The following SHOC1 variants were observed in gnomAD, a reference collection of about 807,000 sequenced individuals.
SHOC1 encodes the protein protein shortage in chiasmata 1 ortholog.
Under a neutral mutation model 179.2 loss-of-function variants are expected in SHOC1, and 136 were observed. The observed-to-expected ratio is 0.76, with a 90% confidence interval of 0.66 to 0.87. The LOEUF (loss-of-function observed/expected upper bound fraction) is 0.87. Ranked by LOEUF, SHOC1 falls within the 40% of genes least tolerant of loss-of-function variation. The pLI is 0.00. For missense variants in SHOC1, 1,538 were observed against 1,700.8 expected (o/e 0.90, Z 1.68); for synonymous variants, 489 against 586.6 (o/e 0.83, Z 2.41).
chr9:111,727,566 A>G, intron 13 of SHOC1, 67 bp downstream of exon 13: 1 of 1,340,558 alleles, frequency 7.5e-7, no homozygotes, highest in South Asian at 1.8e-5. Flanking sequence ...CTTGCCTTCT[A>G]TAATAAATTA....
intron 20 of SHOC1, among the ~76,000 whole-genome samples, chr9:111,705,737 T>C (rs1252812672): frequency 6.6e-6 from 1 of 152,090 alleles, no homozygotes; most frequent in East Asian, 1.9e-4. Flanking sequence ...AAGTATATAT[T>C]GGGCATGTGC....
Position 111,694,343 on chromosome 9 carries a change from A to G in SHOC1, c.3203T>C (p.Val1068Ala). 6.2e-7 allele frequency: 1 copy of G among 1,608,084 alleles called. No individual in the cohort carries two copies. The highest frequency in any genetic ancestry group is 8.5e-7 in the Non-Finnish European group (1 of 1,176,066). ...LDVKLIIAPG[V>A]EATALIIRQI... ...TCGAATTATCAAGGCAGTTGCTTCT[A>G]CTCCTGGGGCAATTATAAGCTAAAA... is the stretch of plus-strand genomic sequence containing the variant. Residue 1068 changes from valine to alanine, a missense_variant, in exon 25 of 28, where the codon GTA (valine) becomes GCA (alanine). Physicochemically the swap from Val to Ala is moderately conservative, Grantham distance 64. Coordinates refer to ENST00000682961, the MANE Select transcript of SHOC1 (RefSeq NM_001378211.1).
Position 111,692,048 on chromosome 9 carries a change from G to A in SHOC1, c.3929C>T (p.Pro1310Leu). The change falls in exon 27 of 28, where the codon CCA (proline) becomes CTA (leucine). Residue 1310 changes from proline to leucine, a missense_variant. Pro to Leu is a moderately conservative substitution (Grantham distance 98, BLOSUM62 -3). Transcript: ENST00000682961. ...TQMNCETIKS[P>L]TDTQKRVSVV... is the part of the protein sequence containing the mutation. ...TGACACTCTCTTCTGAGTGTCAGTT[G>A]GTGATTTTATAGTTTCACAGTTCAT... 6.2e-7 allele frequency: 1 copy of A among 1,613,702 alleles called. No individual in the cohort carries two copies. Among genetic ancestry groups the A allele is most frequent in the Non-Finnish European group, 8.5e-7 (1 of 1,179,804 alleles).
At position 111,703,031 on chromosome 9, in the gene SHOC1, G is replaced by A. The variant is rs577898597; in HGVS notation, c.2968-805C>T. Among the ~76,000 whole-genome samples the A allele has an allele frequency of 3.0e-4, 46 of 152,204 alleles. 1 individual carries two copies. Among genetic ancestry groups the A allele is most frequent in the African/African-American group, 1.1e-3 (45 of 41,526 alleles). ...AGGCTGAGATAGGAGGATCACTCGA[G>A]CCCAGGAGTTCGAGGCTGCAGTGAG... On this transcript the variant is annotated intron_variant, in intron 22 of 27. Coordinates refer to ENST00000682961, the MANE Select transcript of SHOC1 (RefSeq NM_001378211.1).
intron 8 of SHOC1, among the ~76,000 whole-genome samples, chr9:111,755,905 C>A (rs574750995): frequency 6.6e-6 from 1 of 152,096 alleles, no homozygotes; most frequent in East Asian, 1.9e-4. Flanking sequence ...GGCAGATCAC[C>A]TGAGGTCAGG....
chr9:111,708,668 C>T (rs1049559964), intron 18 of SHOC1, among the ~76,000 whole-genome samples: 7 of 152,128 alleles, frequency 4.6e-5, no homozygotes, highest in Admixed American at 1.3e-4. Context: ...CCTTTATTCT[C>T]TTTCTACTGA....
rs755084432 is a variant in SHOC1, at chr9:111,707,845, G to T, written c.2558+10C>A. 1.9e-6 allele frequency: 3 copies of T among 1,541,188 alleles called. No homozygotes were observed. The highest frequency in any genetic ancestry group is 2.4e-5 in the South Asian group (2 of 83,720). On this transcript the variant is annotated intron_variant, in intron 19 of 27. Coordinates refer to ENST00000682961, the MANE Select transcript of SHOC1 (RefSeq NM_001378211.1). ...GTTTGTTCCTCACAGATGAAGGAAT[G>T]AATTTTTACCCCCTTAAAACACCTT...
intron 23 of SHOC1, 39 bp from the exon 24 acceptor site, chr9:111,700,086 T>C: frequency 1.0e-6 from 1 of 990,948 alleles, no homozygotes; most frequent in Non-Finnish European, 1.5e-6. Context: ...ATTCATTTGA[T>C]ATCAGATTAT....
Position 111,786,025 on chromosome 9 carries a change from C to G in SHOC1, c.56G>C (p.Arg19Thr), listed in dbSNP as rs1368487949. The G allele has an allele frequency of 2.0e-6, 3 of 1,493,188 alleles. No individual in the cohort carries two copies. The African/African-American group carries it at 4.3e-5, about 21-fold the overall frequency. 92.5% of individuals were successfully genotyped at this position (1,493,188 alleles called of 1,614,324 possible). ...TAAAGCATCTCTGTAAAACTTCTTT[C>G]TAACCACATTCTGTGGAAGAAAGAA... ...AIDYLYENVV[R>T]KKFYRDALLL... Residue 19 changes from arginine (R) to threonine (T), a missense_variant, in exon 3 of 28, where the codon AGA becomes ACA. Transcript: ENST00000682961.
intron 2 of SHOC1, among the ~76,000 whole-genome samples, chr9:111,790,733 A>T (rs1836416591): frequency 6.6e-6 from 1 of 152,012 alleles, no homozygotes; most frequent in South Asian, 2.1e-4. Context: ...TTTTTAGTAG[A>T]GACAGGGTTT....
At position 111,753,392 on chromosome 9, in the gene SHOC1, G is replaced by T. The variant is rs147610770; in HGVS notation, c.862+2933C>A. On this transcript the variant is annotated intron_variant, in intron 8 of 27. Coordinates refer to ENST00000682961, the MANE Select transcript of SHOC1 (RefSeq NM_001378211.1). ...CAGACCAATATTTCTTATGAATATT[G>T]ACACAAAATTAATAATCTAGTAAAA... 6.6e-5 allele frequency among the ~76,000 whole-genome samples: 10 copies of T among 152,094 alleles called. 1 individual carries two copies. Among genetic ancestry groups the T allele is most frequent in the Admixed American group, 5.2e-4 (8 of 15,278 alleles).
intron 5 of SHOC1, among the ~76,000 whole-genome samples, chr9:111,772,645 A>G (rs1223361045): frequency 6.6e-6 from 1 of 152,166 alleles, no homozygotes; most frequent in African/African-American, 2.4e-5. Context: ...CCTTGCCTCT[A>G]GCAAATGGTC....
chr9:111,728,103 C>G, intron 12 of SHOC1, 54 bp from the exon 13 acceptor site: 1 of 1,237,086 alleles, frequency 8.1e-7, no homozygotes, highest in Non-Finnish European at 1.1e-6. Context: ...AACGAGTGTT[C>G]TATTAGGTAT....
intron 27 of SHOC1, 89 bp from the exon 28 acceptor site, chr9:111,686,959 T>TC: frequency 2.5e-6 from 2 of 807,442 alleles, no homozygotes; most frequent in Admixed American, 3.2e-5. Flanking sequence ...TTTTTTTCTT[T>TC]TTTGAGATGA....
chr9:111,692,108 G>A lies in SHOC1; in HGVS notation c.3869C>T (p.Ser1290Leu). The A allele has an allele frequency of 6.2e-7, 1 of 1,613,610 alleles. No homozygotes were observed. The highest frequency in any genetic ancestry group is 8.5e-7 in the Non-Finnish European group (1 of 1,179,666). Residue 1290 changes from serine (S) to leucine (L), a missense_variant, in exon 27 of 28, where the codon TCA becomes TTA. By Grantham distance (145) the Ser-to-Leu change is moderately radical. Coordinates refer to ENST00000682961, the MANE Select transcript of SHOC1 (RefSeq NM_001378211.1). Reference sequence around the variant, plus strand: ...ACCCAAAGAAAAGACATCTGACTCTGAATCACTGTGGTTTAGAAAGGAGTT... The same window carrying A: ...ACCCAAAGAAAAGACATCTGACTCTAAATCACTGTGGTTTAGAAAGGAGTT... Reference protein sequence around the residue: ...AYNSFLNHSDSESDVFSLGLT... With the variant: ...AYNSFLNHSDLESDVFSLGLT...
At chr9:111,710,529 C>T (rs555353400) in intron 18 of SHOC1, among the ~76,000 whole-genome samples, 23 of 152,164 alleles carry the variant, frequency 1.5e-4, no homozygotes, top group African/African-American at 5.3e-4. Context: ...CGAGTGCCTT[C>T]TATGTTGTGG....
chr9:111,741,505 C>T lies in SHOC1; in HGVS notation c.1145G>A (p.Arg382Lys). 6.2e-7 allele frequency: 1 copy of T among 1,612,050 alleles called. No individual in the cohort carries two copies. The highest frequency in any genetic ancestry group is 8.5e-7 in the Non-Finnish European group (1 of 1,178,734). ...YYMMWQLERCRSPLNPFLLTV... is the reference protein window; with the variant it reads ...YYMMWQLERCKSPLNPFLLTV... ...AAGCAAAAATGGGTTCAAAGGGCTTCTACATCTTTCTAATTGCCACATCAT... is the reference window on the plus strand; with the variant it reads ...AAGCAAAAATGGGTTCAAAGGGCTTTTACATCTTTCTAATTGCCACATCAT... Residue 382 changes from arginine (R) to lysine (K), a missense_variant, in exon 11 of 28, where the codon AGA (arginine) becomes AAA (lysine). Arg to Lys is a conservative substitution (Grantham distance 26, BLOSUM62 2). Coordinates refer to ENST00000682961, the MANE Select transcript of SHOC1 (RefSeq NM_001378211.1).
At chr9:111,723,514 A>G (rs1271089248) in intron 14 of SHOC1, among the ~76,000 whole-genome samples, 1 of 152,242 alleles carries the variant, frequency 6.6e-6, no homozygotes, top group Non-Finnish European at 1.5e-5. Flanking sequence ...GAAGAGTCCG[A>G]GGAGGTACAG....
intron 23 of SHOC1, among the ~76,000 whole-genome samples, chr9:111,700,369 TC>T (rs1252135063): frequency 4.1e-5 from 6 of 144,998 alleles, no homozygotes; most frequent in African/African-American, 7.5e-5. Context: ...GAATACTCCA[TC>T]CCCCTGGTCA....
Sources: allele counts gnomAD v4.1 joint callset (sites outside exome capture counted in the v4.1 genomes callset), GRCh38; gene constraint gnomAD v4.1.1; transcripts MANE v1.5; gene names NCBI Gene and HGNC (gene_info 2026-07-23, HGNC 2026-07-21).